HTR4: variants seen among roughly 807,000 people sequenced by gnomAD.
The protein encoded by HTR4 is 5-hydroxytryptamine (serotonin) receptor 4, G protein-coupled.
HTR4 carries 16 observed loss-of-function variants against 36.8 expected under a neutral mutation model. The ratio of observed to expected loss-of-function variants is 0.43; its 90% CI spans 0.29 to 0.66. HTR4 has a LOEUF of 0.66. Among genes scored for constraint, HTR4 ranks in the 30% least tolerant of loss-of-function variants. HTR4 has a pLI of 0.13. For synonymous variants in HTR4, 189 were observed against 185.1 expected (o/e 1.02, Z -0.17); for missense variants, 438 against 490.9 (o/e 0.89, Z 1.02).
At chr5:148,475,883 T>C (rs1490614224), downstream of HTR4, among the ~76,000 whole-genome samples, 1 of 152,214 alleles carries the variant, frequency 6.6e-6, no homozygotes, top group African/African-American at 2.4e-5. Context: ...CATTATCCCC[T>C]TGCAAAGAAG....
At chr5:148,560,441 G>A (rs553345551) in intron 2 of HTR4, among the ~76,000 whole-genome samples, 2 of 152,138 alleles carry the variant, frequency 1.3e-5, no homozygotes, top group African/African-American at 2.4e-5. Context: ...TGCTGATGTC[G>A]ATGCTGGTCT....
chr5:148,597,909 G>T (rs961953911), intron 2 of HTR4, among the ~76,000 whole-genome samples: 5 of 152,178 alleles, frequency 3.3e-5, no homozygotes, highest in African/African-American at 1.2e-4. Context: ...TTCCATAAAA[G>T]ATTTTGTTAA....
intron 6 of HTR4, among the ~76,000 whole-genome samples, chr5:148,503,559 C>T (rs528032112): frequency 1.3e-5 from 2 of 152,302 alleles, no homozygotes; most frequent in African/African-American, 2.4e-5. Context: ...TAAAGACTAT[C>T]AAGGCTAGGA....
At chr5:148,462,013 A>G (rs190758583) in intron 5 of HTR4, 1 of 152,088 alleles carries the variant, frequency 6.6e-6, no homozygotes, top group Non-Finnish European at 1.5e-5. Context: ...TAAATAACAT[A>G]TGGATCAAAA....
At chr5:148,513,172 G>A (rs1484209042) in intron 5 of HTR4, among the ~76,000 whole-genome samples, 1 of 151,844 alleles carries the variant, frequency 6.6e-6, no homozygotes, top group East Asian at 1.9e-4. Flanking sequence ...AATATTTTTT[G>A]TAAAGACAGG....
At chr5:148,646,938 C>T (rs529228639) in intron 1 of HTR4, among the ~76,000 whole-genome samples, 1 of 152,208 alleles carries the variant, frequency 6.6e-6, no homozygotes, top group East Asian at 1.9e-4. Flanking sequence ...TCTCAATGAT[C>T]CCCTATCTCA....
intron 2 of HTR4, among the ~76,000 whole-genome samples, chr5:148,567,793 A>T (rs908134791): frequency 1.2e-4 from 18 of 152,174 alleles, no homozygotes; most frequent in African/African-American, 4.3e-4. Context: ...TAATGAATGT[A>T]GCATACTTTG....
chr5:148,626,644 G>T (rs1159590053), intron 2 of HTR4, among the ~76,000 whole-genome samples: 2 of 152,140 alleles, frequency 1.3e-5, no homozygotes, highest in African/African-American at 4.8e-5. Context: ...TCCTAATTAT[G>T]CAAAATGCTT....
At chr5:148,585,946 T>C (rs1761329252) in intron 2 of HTR4, among the ~76,000 whole-genome samples, 1 of 152,172 alleles carries the variant, frequency 6.6e-6, no homozygotes, top group Non-Finnish European at 1.5e-5. Context: ...CTGGTTGGCC[T>C]TCATCCCTAG....
intron 6 of HTR4, among the ~76,000 whole-genome samples, chr5:148,499,580 C>T: frequency 6.6e-6 from 1 of 152,176 alleles, no homozygotes; most frequent in South Asian, 2.1e-4. Flanking sequence ...CTCAGAGCCA[C>T]AGAAAAAGTG....
intron 1 of HTR4, among the ~76,000 whole-genome samples, chr5:148,643,263 T>C (rs921228845): frequency 1.4e-4 from 21 of 152,252 alleles, no homozygotes; most frequent in Admixed American, 1.3e-3. Flanking sequence ...CAAAAAACTA[T>C]TATATAAAAC....
In HTR4 at chr5:148,559,255, G is replaced by A. The variant is rs189430441; in HGVS notation, c.27-8993C>T. Among the ~76,000 whole-genome samples the A allele has an allele frequency of 3.3e-5, 5 of 152,244 alleles. No individual in the cohort carries two copies. The East Asian group carries it at 9.7e-4, about 29-fold the overall frequency. ...TGAATGCATATTGCTTTTACACCATGGTAAAGTAAAAAATTCTTAAGTCAA... is the reference window on the plus strand; with the variant it reads ...TGAATGCATATTGCTTTTACACCATAGTAAAGTAAAAAATTCTTAAGTCAA... On this transcript the variant is annotated intron_variant, in intron 2 of 6. Transcript: ENST00000377888.
Position 148,482,818 on chromosome 5 carries a change from AAAG to A in HTR4, c.*382_*384del, listed in dbSNP as rs1213920695. 7 of 1,061,956 alleles carry A rather than the reference AAAG, an allele frequency of 6.6e-6. No homozygotes were observed. The highest frequency in any genetic ancestry group is 6.9e-6 in the Non-Finnish European group (6 of 874,138). The allele number at this position is 1,061,956 out of a possible 1,614,324, so 65.8% of individuals were successfully genotyped here. ...GTTGATATCTGGAAGCCCACACAGC[AAAG>A]AAGGCGTATTTGGAGACATCAGTGA... On this transcript the variant is annotated 3_prime_UTR_variant, in exon 7 of 7. Transcript: ENST00000377888.
chr5:148,535,301 C>T (rs899085894), intron 4 of HTR4, among the ~76,000 whole-genome samples: 2 of 152,198 alleles, frequency 1.3e-5, no homozygotes, highest in Non-Finnish European at 2.9e-5. Context: ...AATGCAAAAA[C>T]TCTGGTAATT....
chr5:148,571,020 C>A (rs1760654385), intron 2 of HTR4, among the ~76,000 whole-genome samples: 1 of 151,870 alleles, frequency 6.6e-6, no homozygotes, highest in Non-Finnish European at 1.5e-5. Flanking sequence ...GAGCACAACA[C>A]AAATCTAGAG....
chr5:148,453,588 G>C (rs1221522255), intron 5 of HTR4, among the ~76,000 whole-genome samples: 1 of 152,130 alleles, frequency 6.6e-6, no homozygotes, highest in African/African-American at 2.4e-5. Context: ...ATCCTGCCTG[G>C]CATATCTGAA....
At chr5:148,602,709 C>A (rs1411590941) in intron 2 of HTR4, among the ~76,000 whole-genome samples, 1 of 151,988 alleles carries the variant, frequency 6.6e-6, no homozygotes, top group Non-Finnish European at 1.5e-5. Flanking sequence ...ATACTTGATT[C>A]CTTGAAAAGA....
At chr5:148,597,180 C>T (rs1045041514) in intron 2 of HTR4, among the ~76,000 whole-genome samples, 1 of 152,180 alleles carries the variant, frequency 6.6e-6, no homozygotes, top group Admixed American at 6.5e-5. Context: ...GTACTTGGCA[C>T]CCTGCTCTGT....
intron 2 of HTR4, chr5:148,628,698 A>G (rs1753211264): frequency 6.6e-6 from 1 of 152,188 alleles, no homozygotes; most frequent in Admixed American, 6.5e-5. Context: ...TTTCTTTTGT[A>G]AATAAAGATA....
Sources: gnomAD v4.1 joint callset for allele counts (sites outside exome capture counted in the v4.1 genomes callset) on GRCh38, gnomAD v4.1.1 for gene constraint, MANE v1.5 for transcripts, NCBI Gene and HGNC (gene_info 2026-07-23, HGNC 2026-07-21) for gene names.